The following NDUFAF2 variants were observed in gnomAD, a reference collection of about 807,000 sequenced individuals.
The protein encoded by NDUFAF2 is NADH:ubiquinone oxidoreductase complex assembly factor 2.
NDUFAF2 carries 13 observed loss-of-function variants against 22.8 expected under a neutral mutation model. That is an observed-to-expected ratio of 0.57 (90% CI 0.37 to 0.91). The LOEUF is 0.91. NDUFAF2 is among the 40% of genes least tolerant of loss of function. The pLI, the probability that NDUFAF2 is intolerant of heterozygous loss-of-function variation, is 0.01. For synonymous variants in NDUFAF2, 53 were observed against 64.2 expected (o/e 0.83, Z 0.84); for missense variants, 162 against 195.2 (o/e 0.83, Z 1.01).
intron 3 of NDUFAF2, among the ~76,000 whole-genome samples, chr5:61,101,375 G>A (rs1257353253): frequency 6.6e-6 from 1 of 152,002 alleles, no homozygotes; most frequent in East Asian, 1.9e-4. Flanking sequence ...TCACCTAAAT[G>A]TACATTATAG....
chr5:61,126,763 A>C (rs115392660), intron 3 of NDUFAF2, among the ~76,000 whole-genome samples: 3 of 152,192 alleles, frequency 2.0e-5, no homozygotes, highest in Admixed American at 2.0e-4. Context: ...AAAACATCAC[A>C]GTTGCCTCTG....
intron 1 of NDUFAF2, among the ~76,000 whole-genome samples, chr5:61,004,902 AG>A (rs1296302675): frequency 6.6e-6 from 1 of 151,634 alleles, no homozygotes; most frequent in Non-Finnish European, 1.5e-5. Context: ...TCACTTCAAC[AG>A]GGCTTGTAAA....
chr5:60,985,901 A>G (rs1335094803), intron 1 of NDUFAF2, among the ~76,000 whole-genome samples: 1 of 152,184 alleles, frequency 6.6e-6, no homozygotes, highest in Non-Finnish European at 1.5e-5. Context: ...GACACAGCCA[A>G]ACAGTATCAC....
chr5:61,017,995 G>A (rs528892545), intron 1 of NDUFAF2, among the ~76,000 whole-genome samples: 6 of 151,944 alleles, frequency 3.9e-5, no homozygotes, highest in Admixed American at 1.3e-4. Flanking sequence ...CAAGTGATTC[G>A]CCCACCTCGG....
At chr5:60,974,311 T>C (rs1561531594) in intron 1 of NDUFAF2, among the ~76,000 whole-genome samples, 1 of 152,128 alleles carries the variant, frequency 6.6e-6, no homozygotes, top group African/African-American at 2.4e-5. Flanking sequence ...CTTACACCAG[T>C]GGTTTGCCAG....
At chr5:61,023,251 CT>C (rs1751608720) in intron 1 of NDUFAF2, among the ~76,000 whole-genome samples, 1 of 151,568 alleles carries the variant, frequency 6.6e-6, no homozygotes, top group Non-Finnish European at 1.5e-5. Context: ...CTCTTTGGTT[CT>C]TTTAAAAATA....
intron 1 of NDUFAF2, among the ~76,000 whole-genome samples, chr5:60,954,576 T>G (rs1750589800): frequency 6.6e-6 from 1 of 152,152 alleles, no homozygotes; most frequent in Non-Finnish European, 1.5e-5. Flanking sequence ...TGTACTAGAT[T>G]TTAGAAAATT....
intron 1 of NDUFAF2, among the ~76,000 whole-genome samples, chr5:60,979,188 A>G (rs1052572974): frequency 6.6e-6 from 1 of 152,182 alleles, no homozygotes; most frequent in Non-Finnish European, 1.5e-5. Context: ...CTGGCTTCAG[A>G]TAAGATTCAG....
At chr5:60,968,332 C>T (rs897440072) in intron 1 of NDUFAF2, among the ~76,000 whole-genome samples, 21 of 151,686 alleles carry the variant, frequency 1.4e-4, no homozygotes, top group Non-Finnish European at 2.7e-4. Flanking sequence ...TCTCCATTTC[C>T]TTTTTATCTG....
rs543419052 is a variant in NDUFAF2 at position 60,985,758 on chromosome 5, A to G, written c.127+40376A>G. Among the ~76,000 whole-genome samples, 45 of 152,276 alleles carry G rather than the reference A, an allele frequency of 3.0e-4. No homozygotes were observed. The East Asian group carries it at 7.3e-3, about 25-fold the overall frequency. The stretch of plus-strand genomic sequence containing the variant: ...CCCATTTTTAAAACCATCAGATCTC[A>G]GGAGACTCATTCACTATCATGAGAT... On this transcript the variant is annotated intron_variant, in intron 1 of 3. Coordinates refer to ENST00000296597, the MANE Select transcript of NDUFAF2 (RefSeq NM_174889.5).
intron 1 of NDUFAF2, among the ~76,000 whole-genome samples, chr5:60,959,674 T>G (rs1290935408): frequency 1.3e-5 from 2 of 152,088 alleles, no homozygotes; most frequent in Non-Finnish European, 2.9e-5. Context: ...TTTAGTGATA[T>G]CTATAAAAAG....
chr5:61,034,910 ATATGTG>A (rs1561547007), intron 1 of NDUFAF2, among the ~76,000 whole-genome samples: 3 of 89,408 alleles, frequency 3.4e-5, no homozygotes, highest in Admixed American at 1.3e-4. Context: ...AGGCAAATAT[ATATGTG>A]TGTGTGTGTG....
chr5:61,114,418 A>G (rs1287555216), intron 3 of NDUFAF2: 1 of 152,184 alleles, frequency 6.6e-6, no homozygotes, highest in African/African-American at 2.4e-5. Flanking sequence ...TATCTGATAG[A>G]ATAGTGAATT....
chr5:61,103,838 A>G (rs1417939951), intron 3 of NDUFAF2, among the ~76,000 whole-genome samples: 3 of 152,090 alleles, frequency 2.0e-5, no homozygotes, highest in Non-Finnish European at 4.4e-5. Flanking sequence ...TTTTAACTTC[A>G]TGATGGTGAA....
intron 3 of NDUFAF2, among the ~76,000 whole-genome samples, chr5:61,142,743 AC>A (rs1173707057): frequency 6.6e-6 from 1 of 152,180 alleles, no homozygotes; most frequent in Non-Finnish European, 1.5e-5. Context: ...TATCATACTA[AC>A]CTAAGCTCTG....
intron 1 of NDUFAF2, among the ~76,000 whole-genome samples, chr5:60,976,304 CTTTTT>C (rs35600173): frequency 6.8e-6 from 1 of 148,132 alleles, no homozygotes; most frequent in Admixed American, 6.7e-5. Flanking sequence ...AATGTATGTG[CTTTTT>C]TTTTTTTCTT....
At chr5:61,006,491 A>G (rs1436850738) in intron 1 of NDUFAF2, among the ~76,000 whole-genome samples, 1 of 152,186 alleles carries the variant, frequency 6.6e-6, no homozygotes, top group Non-Finnish European at 1.5e-5. Context: ...AGTCATTGGT[A>G]GCTTGATGGG....
At chr5:60,976,985 T>G (rs779662188) in intron 1 of NDUFAF2, among the ~76,000 whole-genome samples, 3 of 152,192 alleles carry the variant, frequency 2.0e-5, no homozygotes, top group Non-Finnish European at 4.4e-5. Flanking sequence ...TGTGCTTGTG[T>G]TTTAATTAAT....
chr5:61,022,090 T>G (rs576712185), intron 1 of NDUFAF2, among the ~76,000 whole-genome samples: 1 of 152,302 alleles, frequency 6.6e-6, no homozygotes, highest in South Asian at 2.1e-4. Context: ...AGTCTACTAA[T>G]TAAAATGTCA....
Sources: allele counts gnomAD v4.1 joint callset (sites outside exome capture counted in the v4.1 genomes callset), GRCh38; gene constraint gnomAD v4.1.1; transcripts MANE v1.5; gene names NCBI Gene and HGNC (gene_info 2026-07-23, HGNC 2026-07-21).